The following ZNF516 variants were observed in gnomAD, a reference collection of about 807,000 sequenced individuals.
ZNF516 encodes the protein zinc finger protein 516.
A neutral mutation model predicts 79.7 loss-of-function variants in ZNF516; 19 were observed. The observed-to-expected ratio is 0.24, with a 90% confidence interval of 0.17 to 0.35. The LOEUF (loss-of-function observed/expected upper bound fraction) is 0.35. Ranked by LOEUF, ZNF516 falls within the 10% of genes least tolerant of loss-of-function variation. The pLI is 1.00. For missense variants in ZNF516, 1,678 were observed against 1,679.5 expected (o/e 1.00, Z 0.02); for synonymous variants, 877 against 739.5 (o/e 1.19, Z -3.02).
At chr18:76,396,841 A>G (rs574703756) in intron 3 of ZNF516, among the ~76,000 whole-genome samples, 1 of 152,312 alleles carries the variant, frequency 6.6e-6, no homozygotes, top group Non-Finnish European at 1.5e-5. Flanking sequence ...GTTTTTGGAT[A>G]TGATGTAGAA....
intron 1 of ZNF516, among the ~76,000 whole-genome samples, chr18:76,480,522 CACAT>C (rs1347532188): frequency 3.1e-5 from 3 of 97,396 alleles, no homozygotes; most frequent in African/African-American, 4.7e-5. Flanking sequence ...CACACACACA[CACAT>C]ATATTTTTTT....
At chr18:76,463,858 A>G (rs554448896) in intron 1 of ZNF516, among the ~76,000 whole-genome samples, 8 of 152,346 alleles carry the variant, frequency 5.3e-5, no homozygotes, top group African/African-American at 1.9e-4. Flanking sequence ...ATAATAAACT[A>G]TTCCCACTGC....
chr18:76,398,419 TCCTTG>T (rs1445377673), intron 3 of ZNF516, among the ~76,000 whole-genome samples: 3 of 152,242 alleles, frequency 2.0e-5, no homozygotes, highest in African/African-American at 7.2e-5. Context: ...CACGAATCTT[TCCTTG>T]TATGACGCAG....
intron 3 of ZNF516, among the ~76,000 whole-genome samples, chr18:76,383,083 C>A (rs1248294586): frequency 3.3e-5 from 5 of 149,560 alleles, no homozygotes; most frequent in African/African-American, 1.2e-4. Context: ...CCCAAGTTAT[C>A]GATGTCACCG....
chr18:76,474,706 A>T (rs1906189907), intron 1 of ZNF516, among the ~76,000 whole-genome samples: 1 of 152,226 alleles, frequency 6.6e-6, no homozygotes, highest in Admixed American at 6.5e-5. Context: ...TGATACACAA[A>T]ATCAGTAATT....
At chr18:76,409,755 T>C (rs1599044267) in intron 3 of ZNF516, among the ~76,000 whole-genome samples, 1 of 152,222 alleles carries the variant, frequency 6.6e-6, no homozygotes, top group African/African-American at 2.4e-5. Context: ...CAGACTGCCT[T>C]GCAGCTAGGC....
In ZNF516 at chr18:76,361,826, AAT is replaced by A. The variant is rs1261043615; in HGVS notation, c.*670_*671del. 6.6e-6 allele frequency: 1 copy of A among 152,210 alleles called. No individual in the cohort carries two copies. The highest frequency in any genetic ancestry group is 1.5e-5 in the Non-Finnish European group (1 of 68,052). The allele number at this position is 152,210 out of a possible 1,614,324, so 9.4% of individuals were successfully genotyped here. On this transcript the variant is annotated 3_prime_UTR_variant, in exon 7 of 7. Coordinates refer to ENST00000443185, the MANE Select transcript of ZNF516 (RefSeq NM_014643.4). ...TTCGCTCAGTTCGAATGGTGGGAAGAATGGAACAGGCACACGGCCCCAGGGAG... is the reference window on the plus strand; with the variant it reads ...TTCGCTCAGTTCGAATGGTGGGAAGAGGAACAGGCACACGGCCCCAGGGAG...
intron 4 of ZNF516, among the ~76,000 whole-genome samples, chr18:76,375,372 G>A (rs561771191): frequency 6.6e-6 from 1 of 152,170 alleles, no homozygotes; most frequent in African/African-American, 2.4e-5. Context: ...CCAGAGACCA[G>A]GTAGAGAGTG....
chr18:76,463,393 C>T (rs942573304), intron 1 of ZNF516, among the ~76,000 whole-genome samples: 2 of 152,348 alleles, frequency 1.3e-5, no homozygotes, highest in African/African-American at 2.4e-5. Flanking sequence ...ACAGCACAAA[C>T]GCAGCAGCGA....
chr18:76,482,197 G>A (rs562925032), intron 1 of ZNF516, among the ~76,000 whole-genome samples: 153 of 152,270 alleles, frequency 1.0e-3, no homozygotes, highest in African/African-American at 3.6e-3. Flanking sequence ...TTTGTTTTAG[G>A]TGCCAGAAAG....
In ZNF516 at chr18:76,362,389, G is replaced by A. The variant is rs1270532865; in HGVS notation, c.*109C>T. 11 of 1,085,198 alleles carry A rather than the reference G, an allele frequency of 1.0e-5. No individual in the cohort carries two copies. In the South Asian group the frequency reaches 1.0e-4, roughly 10 times the overall value. The allele number at this position is 1,085,198 out of a possible 1,614,324, so 67.2% of individuals were successfully genotyped here. On this transcript the variant is annotated 3_prime_UTR_variant, in exon 7 of 7. Coordinates refer to ENST00000443185, the MANE Select transcript of ZNF516 (RefSeq NM_014643.4). Reference sequence around the variant, plus strand: ...TGAGGTGTCTGCTCAGGAGTTCCCCGGCTGTTCTTCCATGGAGCGGCCAGG... The same window carrying A: ...TGAGGTGTCTGCTCAGGAGTTCCCCAGCTGTTCTTCCATGGAGCGGCCAGG...
chr18:76,367,126 C>T (rs1031580272), intron 6 of ZNF516, among the ~76,000 whole-genome samples: 1 of 152,212 alleles, frequency 6.6e-6, no homozygotes, highest in African/African-American at 2.4e-5. Context: ...GCTCCTCCTT[C>T]CAGCCTCAGG....
chr18:76,368,680 G>C (rs377132191), intron 6 of ZNF516, among the ~76,000 whole-genome samples: 1 of 152,168 alleles, frequency 6.6e-6, no homozygotes, highest in Non-Finnish European at 1.5e-5. Context: ...GAGAGACAAA[G>C]AGAACAATAT....
At position 76,446,782 on chromosome 18, in the gene ZNF516, C is replaced by T. The variant is rs536593494; in HGVS notation, c.-157-3571G>A. Among the ~76,000 whole-genome samples, 112 of 152,322 alleles carry T rather than the reference C, an allele frequency of 7.4e-4. 2 individuals are homozygous for T. The highest frequency in any genetic ancestry group is 3.5e-3 in the Admixed American group (53 of 15,304). On this transcript the variant is annotated intron_variant, in intron 2 of 6. Coordinates refer to ENST00000443185, the MANE Select transcript of ZNF516 (RefSeq NM_014643.4). ...TCCTATTTCCTGCTCACTACCTCTC[C>T]GCCTGTCCCATCTTTCAAAAATAAG...
chr18:76,374,759 T>C (rs184424671), intron 4 of ZNF516, among the ~76,000 whole-genome samples: 3 of 152,274 alleles, frequency 2.0e-5, no homozygotes, highest in East Asian at 1.9e-4. Flanking sequence ...GCTACAGCAA[T>C]AGGGGTAATC....
intron 1 of ZNF516, chr18:76,490,796 G>A: frequency 3.0e-6 from 3 of 985,458 alleles, no homozygotes; most frequent in Non-Finnish European, 3.6e-6. Flanking sequence ...TAAGTCACAC[G>A]ACGAGCGGAC....
At chr18:76,390,424 A>T (rs1180396051) in intron 3 of ZNF516, among the ~76,000 whole-genome samples, 1 of 152,176 alleles carries the variant, frequency 6.6e-6, no homozygotes, top group Non-Finnish European at 1.5e-5. Context: ...CCCAACACAC[A>T]CACCTGTTGC....
In ZNF516 at chr18:76,379,299, C is replaced by T. The variant is rs1793527526; in HGVS notation, c.2815G>A (p.Ala939Thr). 3 of 1,608,554 alleles carry T rather than the reference C, an allele frequency of 1.9e-6. No homozygotes were observed. The highest frequency in any genetic ancestry group is 1.7e-6 in the Non-Finnish European group (2 of 1,177,326). The change falls in exon 4 of 7, where the codon GCT (alanine) becomes ACT (threonine). Residue 939 changes from alanine (A) to threonine (T), a missense_variant. Transcript: ENST00000443185. ...CTATTGGCCGAGGGCTGCGCGCCAG[C>T]CCGGGCGATGACGGTGGGCGTAGGG... ...ATPTPTVIAR[A>T]GAQPSANSKP...
At chr18:76,492,221 A>T (rs1393083254) in intron 1 of ZNF516, 1 of 985,370 alleles carries the variant, frequency 1.0e-6, no homozygotes, top group Non-Finnish European at 1.2e-6. Flanking sequence ...CGCGTCTCCA[A>T]CATTTACACG....
Sources: allele counts gnomAD v4.1 joint callset (sites outside exome capture counted in the v4.1 genomes callset), GRCh38; gene constraint gnomAD v4.1.1; transcripts MANE v1.5; gene names NCBI Gene and HGNC (gene_info 2026-07-23, HGNC 2026-07-21).